The following SGPP2 variants were observed in gnomAD, a reference collection of about 807,000 sequenced individuals.
The protein encoded by SGPP2 is sphingosine 1-phosphate phosphohydrolase 2.
Under a neutral mutation model 33.9 loss-of-function variants are expected in SGPP2, and 30 were observed. That is an observed-to-expected ratio of 0.89 (90% CI 0.66 to 1.20). The LOEUF (loss-of-function observed/expected upper bound fraction) is 1.20, where lower values mean the gene tolerates loss of function less well. SGPP2 is among the 50% of genes most tolerant of loss of function. The pLI is 0.00. For synonymous variants in SGPP2, 233 were observed against 225.0 expected (o/e 1.04, Z -0.32); for missense variants, 458 against 532.1 (o/e 0.86, Z 1.37).
chr2:222,469,377 G>A (rs1220783383), intron 1 of SGPP2, among the ~76,000 whole-genome samples: 1 of 152,148 alleles, frequency 6.6e-6, no homozygotes, highest in African/African-American at 2.4e-5. Flanking sequence ...TACAGACAGG[G>A]TTTCACCATC....
chr2:222,436,659 C>T (rs767299739), intron 1 of SGPP2, among the ~76,000 whole-genome samples: 4 of 152,148 alleles, frequency 2.6e-5, no homozygotes, highest in Non-Finnish European at 4.4e-5. Context: ...GATACTATGA[C>T]GGTAGATAAG....
intron 2 of SGPP2, among the ~76,000 whole-genome samples, chr2:222,478,517 C>G (rs942380618): frequency 1.3e-5 from 2 of 152,068 alleles, no homozygotes; most frequent in Non-Finnish European, 2.9e-5. Flanking sequence ...CTTCAGAAAA[C>G]GATATCCCTA....
chr2:222,521,628 C>T (rs1244461444), intron 2 of SGPP2, 139 bp from the exon 3 acceptor site: 1 of 838,266 alleles, frequency 1.2e-6, no homozygotes, highest in Non-Finnish European at 1.8e-6. Context: ...TCCTACAAGA[C>T]TTTGCCAACA....
intron 4 of SGPP2, among the ~76,000 whole-genome samples, chr2:222,547,248 T>G (rs1689218501): frequency 1.3e-5 from 2 of 152,340 alleles, no homozygotes; most frequent in South Asian, 2.1e-4. Context: ...AGTGTCTTTG[T>G]GTCTTCTAGC....
chr2:222,474,577 C>T lies in SGPP2; in HGVS notation c.229C>T (p.Gln77Ter). Residue 77 changes from glutamine (Q) to a stop codon, truncating the protein, a stop_gained, in exon 2 of 5, where the codon CAG (glutamine) becomes TAG (stop). Transcript: ENST00000321276. LOFTEE classifies it high-confidence loss of function. ...AACTTTTGTCTTTTAGGCTTATGTA[C>T]AGAAGTACGTCGTGAAGAATTATTT... ...RRAAAPEAYV[Q>*]KYVVKNYFYY... 1 of 1,613,732 alleles carries T rather than the reference C, an allele frequency of 6.2e-7. No individual in the cohort carries two copies. Among genetic ancestry groups the T allele is most frequent in the Non-Finnish European group, 8.5e-7 (1 of 1,179,856 alleles).
chr2:222,521,617 A>G (rs1698686043), intron 2 of SGPP2, 150 bp from the exon 3 acceptor site: 1 of 734,496 alleles, frequency 1.4e-6, no homozygotes, highest in Non-Finnish European at 2.1e-6. Flanking sequence ...CAACTAAAAT[A>G]TCCTACAAGA....
intron 2 of SGPP2, among the ~76,000 whole-genome samples, chr2:222,499,406 C>CCCCT (rs1698332262): frequency 6.6e-6 from 1 of 152,208 alleles, no homozygotes; most frequent in Non-Finnish European, 1.5e-5. Context: ...CCAGCCTGCT[C>CCCCT]CCCTGCTCCC....
rs761154590 is a variant in SGPP2 at position 222,558,547 on chromosome 2, C to T, written c.849C>T (p.Ala283=). ...TRADTTTILA[A]GAGVTIGFWI... ...CGGACACCACCACCATTCTGGCTGC[C>T]GGGGCTGGAGTGACCATAGGATTCT... The change falls in exon 5 of 5, where the codon GCC becomes GCT. Residue 283 remains alanine (A), a synonymous_variant. Coordinates refer to ENST00000321276, the MANE Select transcript of SGPP2 (RefSeq NM_152386.4). 50 of 1,614,060 alleles carry T rather than the reference C, an allele frequency of 3.1e-5. No individual in the cohort carries two copies. The Admixed American group carries it at 5.2e-4, about 17-fold the overall frequency.
At chr2:222,456,794 C>T (rs1018268562) in intron 1 of SGPP2, among the ~76,000 whole-genome samples, 1 of 152,174 alleles carries the variant, frequency 6.6e-6, no homozygotes, top group Non-Finnish European at 1.5e-5. Context: ...CTTCACAACT[C>T]ACAGCGAATA....
At chr2:222,556,994 A>G (rs1344492833) in intron 4 of SGPP2, among the ~76,000 whole-genome samples, 1 of 151,638 alleles carries the variant, frequency 6.6e-6, no homozygotes, top group Non-Finnish European at 1.5e-5. Context: ...CTGCAGTCAG[A>G]CAATCTTTTT....
chr2:222,490,445 T>C (rs1314239974), intron 2 of SGPP2, among the ~76,000 whole-genome samples: 1 of 152,148 alleles, frequency 6.6e-6, no homozygotes, highest in East Asian at 1.9e-4. Context: ...TGAGTTCTTT[T>C]TGAGACAGGG....
intron 1 of SGPP2, among the ~76,000 whole-genome samples, chr2:222,456,379 G>A (rs1220269046): frequency 6.6e-6 from 1 of 152,136 alleles, no homozygotes; most frequent in African/African-American, 2.4e-5. Flanking sequence ...TGGCTGTTGA[G>A]CACTTGAAAT....
At chr2:222,516,545 G>A (rs1698606716) in intron 2 of SGPP2, among the ~76,000 whole-genome samples, 1 of 152,112 alleles carries the variant, frequency 6.6e-6, no homozygotes, top group African/African-American at 2.4e-5. Context: ...CCTAAGAGTG[G>A]GATGGCTGGA....
chr2:222,539,734 G>C (rs978315322), intron 4 of SGPP2, among the ~76,000 whole-genome samples: 1 of 152,216 alleles, frequency 6.6e-6, no homozygotes, highest in Non-Finnish European at 1.5e-5. Flanking sequence ...GATTCTGCAA[G>C]AAGGCATCAA....
intron 4 of SGPP2, among the ~76,000 whole-genome samples, chr2:222,554,430 A>G (rs964337876): frequency 2.2e-4 from 34 of 152,346 alleles, no homozygotes; most frequent in African/African-American, 8.2e-4. Flanking sequence ...ATTACAAACA[A>G]TACTACAACA....
chr2:222,442,605 A>G lies in SGPP2; in HGVS notation c.219+17784A>G, dbSNP rs1697343096. Among the ~76,000 whole-genome samples the G allele has an allele frequency of 2.6e-5, 4 of 152,232 alleles. 1 individual carries two copies. Among genetic ancestry groups the G allele is most frequent in the African/African-American group, 9.6e-5 (4 of 41,462 alleles). On this transcript the variant is annotated intron_variant, in intron 1 of 4. Transcript: ENST00000321276. ...CCAGTATCATAAAATTTGATTAATTATGCAAATATCCTTGAACATATAAAA... is the reference window on the plus strand; with the variant it reads ...CCAGTATCATAAAATTTGATTAATTGTGCAAATATCCTTGAACATATAAAA...
intron 4 of SGPP2, among the ~76,000 whole-genome samples, chr2:222,525,863 C>T (rs542644958): frequency 6.6e-6 from 1 of 152,296 alleles, no homozygotes; most frequent in South Asian, 2.1e-4. Context: ...TTGCTTCTCT[C>T]CCTGGTCCCT....
intron 2 of SGPP2, among the ~76,000 whole-genome samples, chr2:222,502,131 G>C (rs1367435778): frequency 4.6e-5 from 7 of 152,168 alleles, no homozygotes; most frequent in African/African-American, 1.7e-4. Context: ...TAAGGAAATT[G>C]GCCTAGGTAA....
intron 4 of SGPP2, among the ~76,000 whole-genome samples, chr2:222,539,574 T>C (rs1249543851): frequency 6.6e-6 from 1 of 152,190 alleles, no homozygotes; most frequent in Non-Finnish European, 1.5e-5. Context: ...ACTCAGCCAC[T>C]GTAGCTGCCT....
Sources: gnomAD v4.1 joint callset for allele counts (sites outside exome capture counted in the v4.1 genomes callset) on GRCh38, gnomAD v4.1.1 for gene constraint, MANE v1.5 for transcripts, NCBI Gene and HGNC (gene_info 2026-07-23, HGNC 2026-07-21) for gene names.